Variants in SEMA5A observed in about 807,000 individuals in gnomAD.
The protein encoded by SEMA5A is semaphorin-5A.
SEMA5A carries 55 observed loss-of-function variants against 135.5 expected under a neutral mutation model. That is an observed-to-expected ratio of 0.41 (90% CI 0.33 to 0.51). The LOEUF is 0.51. Ranked by LOEUF, SEMA5A falls within the 20% of genes least tolerant of loss-of-function variation. SEMA5A has a pLI of 0.37. For missense variants in SEMA5A, 1,290 were observed against 1,419.9 expected (o/e 0.91, Z 1.47); for synonymous variants, 580 against 546.5 (o/e 1.06, Z -0.85).
At chr5:9,235,404 A>G (rs1220404306) in intron 6 of SEMA5A, among the ~76,000 whole-genome samples, 3 of 152,210 alleles carry the variant, frequency 2.0e-5, no homozygotes, top group South Asian at 2.1e-4. Flanking sequence ...CCTGCCATGT[A>G]TGGAATAGCT....
In SEMA5A at chr5:9,038,631, T is replaced by C. The variant is rs146258681; in HGVS notation, c.*4266A>G. 2.6e-5 allele frequency: 4 copies of C among 152,280 alleles called. No homozygotes were observed. The highest frequency in any genetic ancestry group is 7.2e-5 in the African/African-American group (3 of 41,540). The allele number at this position is 152,280 out of a possible 1,614,324, so 9.4% of individuals were successfully genotyped here. On this transcript the variant is annotated 3_prime_UTR_variant, in exon 23 of 23. Coordinates refer to ENST00000382496, the MANE Select transcript of SEMA5A (RefSeq NM_003966.3). ...CGATTAGCTGAGTATAGACTTGATA[T>C]ATGTTTAAGGTAAAATTCCCTTTGA... is the stretch of plus-strand genomic sequence containing the variant.
At position 9,227,841 on chromosome 5, in the gene SEMA5A, C is replaced by T. The variant is rs374326235; in HGVS notation, c.334-874G>A. On this transcript the variant is annotated intron_variant, in intron 6 of 22. Transcript: ENST00000382496. ...CTGGGATTACAGGCGTGAGCCGCCA[C>T]GCCCGGCCTGTATAGGCATTTTTAA... 1.2e-4 allele frequency among the ~76,000 whole-genome samples: 18 copies of T among 152,306 alleles called. 1 individual carries two copies. The highest frequency in any genetic ancestry group is 6.2e-4 in the South Asian group (3 of 4,826).
At chr5:9,295,742 T>C (rs973104522) in intron 5 of SEMA5A, among the ~76,000 whole-genome samples, 1 of 152,150 alleles carries the variant, frequency 6.6e-6, no homozygotes, top group Non-Finnish European at 1.5e-5. Flanking sequence ...TAAGATTAAA[T>C]GGAATAATGC....
At chr5:9,358,273 C>G (rs938130163) in intron 3 of SEMA5A, among the ~76,000 whole-genome samples, 2 of 152,208 alleles carry the variant, frequency 1.3e-5, no homozygotes, top group African/African-American at 4.8e-5. Context: ...ATTTTACCTT[C>G]AAACCCATTT....
chr5:9,390,493 A>G (rs2126526209), intron 2 of SEMA5A, among the ~76,000 whole-genome samples: 1 of 152,382 alleles, frequency 6.6e-6, no homozygotes, highest in African/African-American at 2.4e-5. Flanking sequence ...TATCAGATAA[A>G]TTTACAGTAA....
chr5:9,287,185 A>C (rs75379679), intron 5 of SEMA5A, among the ~76,000 whole-genome samples: 3,236 of 152,310 alleles, frequency 0.021, 88 homozygotes, highest in East Asian at 0.066. Flanking sequence ...TGTACGATGG[A>C]TACAGACATT....
chr5:9,096,002 A>G (rs1332151041), intron 16 of SEMA5A, among the ~76,000 whole-genome samples: 1 of 152,176 alleles, frequency 6.6e-6, no homozygotes, highest in Non-Finnish European at 1.5e-5. Flanking sequence ...CGAGGTAGTG[A>G]TTTAATTTCC....
intron 10 of SEMA5A, among the ~76,000 whole-genome samples, chr5:9,196,108 G>A (rs1198576464): frequency 2.6e-5 from 4 of 152,240 alleles, no homozygotes; most frequent in Non-Finnish European, 5.9e-5. Flanking sequence ...ACTTGCTGGT[G>A]CTAAAAATGA....
chr5:9,263,572 G>T (rs567478883), intron 5 of SEMA5A, among the ~76,000 whole-genome samples: 6 of 152,318 alleles, frequency 3.9e-5, no homozygotes, highest in African/African-American at 1.4e-4. Context: ...GGTCTCTGGT[G>T]TCAAGAAGAC....
At position 9,379,972 on chromosome 5, in the gene SEMA5A, G is replaced by C; in HGVS notation, c.-26C>G. 3 of 1,595,834 alleles carry C rather than the reference G, an allele frequency of 1.9e-6. No individual in the cohort carries two copies. The highest frequency in any genetic ancestry group is 2.6e-6 in the Non-Finnish European group (3 of 1,170,032). Reference sequence around the variant, plus strand: ...GGTGGGCAAGGGGCCTCTGACTCTGGGCACGTGTCTTCTAAACAGAAGCTC... The same window carrying C: ...GGTGGGCAAGGGGCCTCTGACTCTGCGCACGTGTCTTCTAAACAGAAGCTC... On this transcript the variant is annotated 5_prime_UTR_variant, in exon 3 of 23. Transcript: ENST00000382496.
intron 1 of SEMA5A, among the ~76,000 whole-genome samples, chr5:9,470,905 C>T (rs1426347544): frequency 6.6e-6 from 1 of 152,138 alleles, no homozygotes; most frequent in Admixed American, 6.6e-5. Flanking sequence ...GAAACTGATG[C>T]AGATTTTAAT....
intron 2 of SEMA5A, among the ~76,000 whole-genome samples, chr5:9,435,788 G>A (rs938305032): frequency 6.6e-6 from 1 of 152,206 alleles, no homozygotes; most frequent in Non-Finnish European, 1.5e-5. Context: ...ACGGCAGAGT[G>A]ATGCAGCAGA....
At chr5:9,176,044 G>A (rs1744187002) in intron 11 of SEMA5A, among the ~76,000 whole-genome samples, 1 of 152,184 alleles carries the variant, frequency 6.6e-6, no homozygotes, top group South Asian at 2.1e-4. Context: ...TGTCACTCCT[G>A]TGATTAGATC....
At chr5:9,424,404 T>C (rs1286739852) in intron 2 of SEMA5A, among the ~76,000 whole-genome samples, 1 of 152,176 alleles carries the variant, frequency 6.6e-6, no homozygotes, top group Non-Finnish European at 1.5e-5. Flanking sequence ...AATGAAATAT[T>C]ATGAGGAGCT....
intron 11 of SEMA5A, among the ~76,000 whole-genome samples, chr5:9,172,190 G>A (rs1743960974): frequency 6.6e-6 from 1 of 152,134 alleles, no homozygotes; most frequent in African/African-American, 2.4e-5. Flanking sequence ...CCAGACAACT[G>A]GCTATTATCC....
At chr5:9,115,450 A>G (rs1740461032) in intron 15 of SEMA5A, among the ~76,000 whole-genome samples, 1 of 152,040 alleles carries the variant, frequency 6.6e-6, no homozygotes, top group Non-Finnish European at 1.5e-5. Context: ...AATTTCCATC[A>G]CTCCACCCAC....
chr5:9,459,927 A>G (rs1479254441), intron 1 of SEMA5A, among the ~76,000 whole-genome samples: 1 of 152,220 alleles, frequency 6.6e-6, no homozygotes, highest in Non-Finnish European at 1.5e-5. Flanking sequence ...GGCATTGCAG[A>G]TAACTGATTC....
chr5:9,170,517 C>T (rs757146147), intron 11 of SEMA5A, among the ~76,000 whole-genome samples: 1 of 152,006 alleles, frequency 6.6e-6, no homozygotes, highest in Non-Finnish European at 1.5e-5. Flanking sequence ...AATCCTAAGT[C>T]CCAACGTGGT....
intron 5 of SEMA5A, among the ~76,000 whole-genome samples, chr5:9,305,728 T>TATATATATATGTATATATATATA (rs1287444762): frequency 1.4e-4 from 13 of 95,036 alleles, no homozygotes; most frequent in African/African-American, 5.1e-4. Context: ...ATATATATAT[T>TATATATATATGTATATATATATA]TACACGCACA....
Sources: allele counts gnomAD v4.1 joint callset (sites outside exome capture counted in the v4.1 genomes callset), GRCh38; gene constraint gnomAD v4.1.1; transcripts MANE v1.5; gene names NCBI Gene and HGNC (gene_info 2026-07-23, HGNC 2026-07-21).